MRTFB: variants seen among roughly 807,000 people sequenced by gnomAD.
The protein encoded by MRTFB is myocardin related transcription factor B.
A neutral mutation model predicts 104.2 loss-of-function variants in MRTFB; 29 were observed. The ratio of observed to expected loss-of-function variants is 0.28; its 90% CI spans 0.21 to 0.38. The LOEUF (loss-of-function observed/expected upper bound fraction) is 0.38, where lower values mean the gene tolerates loss of function less well. Among genes scored for constraint, MRTFB ranks in the 10% least tolerant of loss-of-function variants. MRTFB has a pLI of 1.00. For missense variants in MRTFB, 1,270 were observed against 1,341.6 expected (o/e 0.95, Z 0.83); for synonymous variants, 535 against 519.5 (o/e 1.03, Z -0.41).
At chr16:14,008,431 C>T in the MRTFB span, among the ~76,000 whole-genome samples, 37 of 152,132 alleles carry the variant, frequency 2.4e-4, no homozygotes, top group Admixed American at 2.2e-3. Flanking sequence ...GTAGCTACTC[C>T]GTTGTCCTAC....
At chr16:14,231,501 C>T (rs969862894) in intron 8 of MRTFB, among the ~76,000 whole-genome samples, 4 of 152,054 alleles carry the variant, frequency 2.6e-5, no homozygotes, top group African/African-American at 7.2e-5. Context: ...AAGCCCAATA[C>T]TCAATAGTTA....
At chr16:14,246,058 C>T (rs2042999395) in intron 11 of MRTFB, among the ~76,000 whole-genome samples, 1 of 138,372 alleles carries the variant, frequency 7.2e-6, no homozygotes, top group Admixed American at 6.9e-5. Context: ...GTGCTTCAGC[C>T]TCTCTCTTCT....
chr16:14,243,263 A>T (rs1460597099), intron 10 of MRTFB, among the ~76,000 whole-genome samples: 1 of 152,270 alleles, frequency 6.6e-6, no homozygotes, highest in Non-Finnish European at 1.5e-5. Flanking sequence ...AACAAAATTC[A>T]GCCAGGTTTT....
intron 2 of MRTFB, among the ~76,000 whole-genome samples, chr16:14,089,976 C>G: frequency 6.6e-6 from 1 of 152,180 alleles, no homozygotes; most frequent in Non-Finnish European, 1.5e-5. Context: ...TTAAAATGGA[C>G]TGTCTTTTTA....
At chr16:14,150,353 A>G (rs1430307682) in intron 3 of MRTFB, among the ~76,000 whole-genome samples, 1 of 152,208 alleles carries the variant, frequency 6.6e-6, no homozygotes, top group African/African-American at 2.4e-5. Flanking sequence ...CCCTTGGACA[A>G]TGTAGGGGTT....
At chr16:14,053,009 C>G in the MRTFB span, among the ~76,000 whole-genome samples, 2 of 152,092 alleles carry the variant, frequency 1.3e-5, no homozygotes, top group African/African-American at 4.8e-5. Context: ...ACATAATGGC[C>G]TCAAGTTCCA....
chr16:14,010,353 G>A, the MRTFB span, among the ~76,000 whole-genome samples: 1 of 152,118 alleles, frequency 6.6e-6, no homozygotes, highest in Non-Finnish European at 1.5e-5. Context: ...ATCTTGCTCT[G>A]TCACCCAGGC....
At chr16:14,156,707 A>G (rs930502932) in intron 3 of MRTFB, among the ~76,000 whole-genome samples, 1 of 152,180 alleles carries the variant, frequency 6.6e-6, no homozygotes, top group Non-Finnish European at 1.5e-5. Flanking sequence ...TTAATTGTGT[A>G]TTATTTTCTC....
At chr16:14,096,983 C>G (rs551140127) in intron 2 of MRTFB, among the ~76,000 whole-genome samples, 1 of 152,324 alleles carries the variant, frequency 6.6e-6, no homozygotes, top group Non-Finnish European at 1.5e-5. Context: ...AGCACTTGGA[C>G]TACAGTTCTT....
chr16:14,073,250 A>G (rs188678361), intron 1 of MRTFB, among the ~76,000 whole-genome samples: 1 of 152,304 alleles, frequency 6.6e-6, no homozygotes, highest in Non-Finnish European at 1.5e-5. Context: ...GCGAATCTTC[A>G]TTATACAGAT....
chr16:14,241,983 AATAAT>A, intron 10 of MRTFB, among the ~76,000 whole-genome samples: 1 of 133,212 alleles, frequency 7.5e-6, no homozygotes, highest in East Asian at 2.0e-4. Context: ...TAATAATAAT[AATAAT>A]AATAATAATA....
intron 5 of MRTFB, 148 bp downstream of exon 5, chr16:14,212,557 T>C (rs1197847578): frequency 1.4e-6 from 1 of 729,318 alleles, no homozygotes; most frequent in Non-Finnish European, 2.2e-6. Flanking sequence ...AGAGAATATT[T>C]ACTCTGGGAT....
At chr16:14,201,073 T>A (rs181646134) in intron 3 of MRTFB, 9 of 1,444,964 alleles carry the variant, frequency 6.2e-6, no homozygotes, top group Admixed American at 2.3e-5. Flanking sequence ...CAACGAGGAG[T>A]GTTGGCTTTG....
the MRTFB span, among the ~76,000 whole-genome samples, chr16:14,050,525 G>A: frequency 3.3e-5 from 5 of 152,138 alleles, no homozygotes; most frequent in Non-Finnish European, 7.4e-5. Context: ...GGCTGAGGCA[G>A]GAGGATCTCC....
chr16:14,196,408 G>A (rs2040432844), intron 3 of MRTFB, among the ~76,000 whole-genome samples: 1 of 152,064 alleles, frequency 6.6e-6, no homozygotes, highest in Admixed American at 6.5e-5. Context: ...CTAGATTGTG[G>A]GACTTCCTTA....
chr16:14,041,484 G>A, the MRTFB span, among the ~76,000 whole-genome samples: 11 of 152,254 alleles, frequency 7.2e-5, 1 homozygote, highest in South Asian at 2.1e-4. Context: ...ATGTTCATCC[G>A]TGTTGTAGCA....
At chr16:14,211,761 A>C (rs2041198158) in intron 4 of MRTFB, among the ~76,000 whole-genome samples, 1 of 152,142 alleles carries the variant, frequency 6.6e-6, no homozygotes, top group African/African-American at 2.4e-5. Context: ...GAACCCTTCA[A>C]ATTCAAAATT....
chr16:14,091,512 C>A (rs1346287873), intron 2 of MRTFB, among the ~76,000 whole-genome samples: 2 of 152,084 alleles, frequency 1.3e-5, no homozygotes, highest in Non-Finnish European at 2.9e-5. Flanking sequence ...GCACTCTTGG[C>A]CTTGGGAGTT....
At chr16:14,140,899 G>T in intron 3 of MRTFB, 139 bp downstream of exon 3, 2 of 774,006 alleles carry the variant, frequency 2.6e-6, no homozygotes, top group Non-Finnish European at 3.9e-6. Context: ...GGTACTGGAT[G>T]GTTTTTAATA....
Sources: gnomAD v4.1 joint callset for allele counts (sites outside exome capture counted in the v4.1 genomes callset) on GRCh38, gnomAD v4.1.1 for gene constraint, MANE v1.5 for transcripts, NCBI Gene and HGNC (gene_info 2026-07-23, HGNC 2026-07-21) for gene names.